TNS1: variants seen among roughly 807,000 people sequenced by gnomAD.
The protein encoded by TNS1 is tensin 1, also known as tensin-1.
A neutral mutation model predicts 168.6 loss-of-function variants in TNS1; 62 were observed. That is an observed-to-expected ratio of 0.37 (90% CI 0.30 to 0.45). The LOEUF (loss-of-function observed/expected upper bound fraction) is 0.45, where lower values mean the gene tolerates loss of function less well. Among genes scored for constraint, TNS1 ranks in the 20% least tolerant of loss-of-function variants. The pLI, the probability that TNS1 is intolerant of heterozygous loss-of-function variation, is 1.00. For synonymous variants in TNS1, 934 were observed against 933.2 expected, an observed-to-expected ratio of 1.00 and a Z score of -0.02; for missense variants, 2,240 against 2,339.4, an observed-to-expected ratio of 0.96 and a Z score of 0.88.
At chr2:218,009,781 C>A (rs532498604) in intron 1 of TNS1, among the ~76,000 whole-genome samples, 40 of 152,294 alleles carry the variant, frequency 2.6e-4, no homozygotes, top group African/African-American at 8.4e-4. Context: ...AACTTTACTC[C>A]GTATCCCCAA....
intron 18 of TNS1, chr2:217,850,050 A>G (rs910310605): frequency 4.1e-6 from 4 of 985,028 alleles, no homozygotes; most frequent in Non-Finnish European, 4.8e-6. Context: ...AGCACTGCCC[A>G]CTCCTGATGG....
rs2288164 is a variant in TNS1 at position 217,880,754 on chromosome 2, G to A, written c.1429+144C>T. The A allele has an allele frequency of 4.4e-5, 29 of 660,346 alleles. No individual in the cohort carries two copies. Among genetic ancestry groups the A allele is most frequent in the South Asian group, 1.8e-4 (10 of 54,414 alleles). The allele number at this position is 660,346 out of a possible 1,614,324, so 40.9% of individuals were successfully genotyped here. A position where few individuals can be genotyped will look rare whatever the true frequency, so the allele number is the denominator to read the frequency against. Reference sequence around the variant, plus strand: ...TGTGCCTTATCTTCCCCCAGTTAACGGTGAGCTCTCGGAGGTACCTCACAC... The same window carrying A: ...TGTGCCTTATCTTCCCCCAGTTAACAGTGAGCTCTCGGAGGTACCTCACAC... On this transcript the variant is annotated intron_variant, in intron 18 of 32. Transcript: ENST00000682258. This position sits in a 1 kb window ranked among gnomAD's most constrained non-coding sequence, Gnocchi z 4.2.
At chr2:217,957,052 C>T (rs1045908898) in intron 3 of TNS1, among the ~76,000 whole-genome samples, 1 of 152,202 alleles carries the variant, frequency 6.6e-6, no homozygotes, top group African/African-American at 2.4e-5. Flanking sequence ...AATGAAAGCA[C>T]AGGCTGGGGG....
At chr2:217,985,677 C>T (rs907116452) in intron 2 of TNS1, 9 of 152,182 alleles carry the variant, frequency 5.9e-5, no homozygotes, top group African/African-American at 1.7e-4. Flanking sequence ...CCACCTCAGC[C>T]TCCCGAAGTG....
At chr2:218,013,166 GA>G (rs1958723951), upstream of TNS1, among the ~76,000 whole-genome samples, 1 of 151,782 alleles carries the variant, frequency 6.6e-6, no homozygotes, top group Non-Finnish European at 1.5e-5. Context: ...TGAGGCAGGA[GA>G]ATCGCTTGAA....
chr2:217,898,046 T>C (rs1574999074), intron 7 of TNS1, 77 bp from the exon 8 acceptor site: 1 of 1,465,984 alleles, frequency 6.8e-7, no homozygotes, highest in Admixed American at 2.3e-5. Flanking sequence ...CTGCACCCCA[T>C]ACACACCCTG....
chr2:217,847,791 A>G lies in TNS1; in HGVS notation c.2726T>C (p.Leu909Pro). The G allele has an allele frequency of 6.2e-7, 1 of 1,605,084 alleles. No homozygotes were observed. Among genetic ancestry groups the G allele is most frequent in the Non-Finnish European group, 8.5e-7 (1 of 1,172,660 alleles). Reference sequence around the variant, plus strand: ...AGACCTGCCAGGAGGGACAGACTCCAGAGAGGCCCGTGGGGCTGGCTCAGG... The same window carrying G: ...AGACCTGCCAGGAGGGACAGACTCCGGAGAGGCCCGTGGGGCTGGCTCAGG... ...GTPEPAPRAS[L>P]ESVPPGRSYS... The change falls in exon 19 of 33, where the codon CTG becomes CCG. Residue 909 changes from leucine to proline, a missense_variant. By Grantham distance (98) the Leu-to-Pro change is moderately conservative. This residue lies in a region of TNS1 where 2,131 missense variants were observed against 2,171.2 expected (regional missense o/e 0.98). Coordinates refer to ENST00000682258, the MANE Select transcript of TNS1 (RefSeq NM_001387777.1).
chr2:217,827,725 A>G (rs1943822196), intron 22 of TNS1, among the ~76,000 whole-genome samples: 2 of 152,214 alleles, frequency 1.3e-5, no homozygotes, highest in Non-Finnish European at 2.9e-5. Context: ...ATCTGTGACA[A>G]CGATGGGTGT....
chr2:217,831,431 C>A, intron 22 of TNS1, 24 bp downstream of exon 22: 2 of 1,552,942 alleles, frequency 1.3e-6, no homozygotes, highest in East Asian at 4.9e-5. Context: ...GCCCCCCTCC[C>A]CATCTTCCCT....
At chr2:217,864,451 C>T (rs1949077997) in intron 18 of TNS1, among the ~76,000 whole-genome samples, 1 of 152,174 alleles carries the variant, frequency 6.6e-6, no homozygotes, top group African/African-American at 2.4e-5. Flanking sequence ...GGAGCTTGCT[C>T]AGGATTACAT....
intron 3 of TNS1, among the ~76,000 whole-genome samples, chr2:217,957,352 C>T (rs1470423050): frequency 6.6e-6 from 1 of 152,218 alleles, no homozygotes; most frequent in Admixed American, 6.5e-5. Flanking sequence ...TCTCTGCATA[C>T]ACACCCAGCC....
Position 218,032,698 on chromosome 2 carries a change from C to G in TNS1, c.156+1122G>C, listed in dbSNP as rs1458683506. Among the ~76,000 whole-genome samples the G allele has an allele frequency of 6.6e-6, 1 of 152,290 alleles. No individual in the cohort carries two copies. Among genetic ancestry groups the G allele is most frequent in the Non-Finnish European group, 1.5e-5 (1 of 68,004 alleles). On this transcript the variant is annotated intron_variant, in intron 1 of 1. Coordinates refer to the TNS1 transcript ENST00000649572. This position sits in a 1 kb window ranked among gnomAD's most constrained non-coding sequence, Gnocchi z 4.0. ...CCCCAGGTGATGGGTGCAGGCTGCT[C>G]TTCCCTAAACCCCTGAAGGGGGGAG... is the stretch of plus-strand genomic sequence containing the variant.
intron 22 of TNS1, among the ~76,000 whole-genome samples, chr2:217,823,146 A>T (rs1420448554): frequency 6.6e-6 from 1 of 152,192 alleles, no homozygotes; most frequent in Non-Finnish European, 1.5e-5. Context: ...TCCAGAAGAC[A>T]ATGCAGAGAT....
chr2:218,031,898 GA>G (rs1414579944), intron 1 of TNS1, among the ~76,000 whole-genome samples: 1 of 152,222 alleles, frequency 6.6e-6, no homozygotes, highest in Admixed American at 6.5e-5. Flanking sequence ...AGAAACGGAA[GA>G]GGCAACAGCA....
intron 4 of TNS1, among the ~76,000 whole-genome samples, chr2:217,914,891 A>G (rs535221997): frequency 6.6e-6 from 1 of 152,368 alleles, no homozygotes; most frequent in Admixed American, 6.5e-5. Flanking sequence ...TTTGCAGAAC[A>G]ATGGAAAATG....
chr2:217,878,036 C>A (rs1007543297), intron 18 of TNS1, among the ~76,000 whole-genome samples: 6 of 152,232 alleles, frequency 3.9e-5, no homozygotes, highest in African/African-American at 4.8e-5. Context: ...CTTGGACACC[C>A]TTCCCTCTAC....
chr2:217,805,650 A>ACACAACACACATACACAACATCACACC (rs1938777108), intron 32 of TNS1, among the ~76,000 whole-genome samples: 8 of 101,600 alleles, frequency 7.9e-5, no homozygotes, highest in Non-Finnish European at 6.1e-5. Flanking sequence ...CACATCACAC[A>ACACAACACACATACACAACATCACACC]CACACAACAC....
At chr2:217,804,885 A>C (rs554843749) in intron 32 of TNS1, among the ~76,000 whole-genome samples, 98 of 152,114 alleles carry the variant, frequency 6.4e-4, no homozygotes, top group Non-Finnish European at 9.1e-4. Context: ...ACAAGGCTGG[A>C]TAGTGAGGGG....
At chr2:217,885,204 G>C in intron 15 of TNS1, 40 bp from the exon 16 acceptor site, 1 of 1,613,310 alleles carries the variant, frequency 6.2e-7, no homozygotes, top group Non-Finnish European at 8.5e-7. Flanking sequence ...GGGGCCTGAG[G>C]CTGGGAGGTC....
Sources: allele counts gnomAD v4.1 joint callset (sites outside exome capture counted in the v4.1 genomes callset), GRCh38; gene constraint gnomAD v4.1.1; regional missense constraint gnomAD v4.1.1; non-coding constraint Gnocchi (gnomAD v3.1); transcripts MANE v1.5; gene names NCBI Gene and HGNC (gene_info 2026-07-23, HGNC 2026-07-21).